The following CAAP1 variants were observed in gnomAD, a reference collection of about 807,000 sequenced individuals.
CAAP1 encodes the protein caspase activity and apoptosis inhibitor 1, also known as conserved anti-apoptotic protein.
CAAP1 carries 20 observed loss-of-function variants against 34.0 expected under a neutral mutation model. The observed-to-expected ratio is 0.59, with a 90% CI of 0.41 to 0.86. The LOEUF (loss-of-function observed/expected upper bound fraction) is 0.86. Among genes scored for constraint, CAAP1 ranks in the 40% least tolerant of loss-of-function variants. CAAP1 has a pLI of 0.00. For synonymous variants in CAAP1, 213 were observed against 166.7 expected, an observed-to-expected ratio of 1.28 and a Z score of -2.14; for missense variants, 538 against 450.5, an observed-to-expected ratio of 1.19 and a Z score of -1.76.
At chr9:26,863,963 T>G (rs1403615094) in intron 4 of CAAP1, among the ~76,000 whole-genome samples, 1 of 152,048 alleles carries the variant, frequency 6.6e-6, no homozygotes, top group African/African-American at 2.4e-5. Context: ...GGCTAATTTT[T>G]TTAAGTAAAG....
In CAAP1 at chr9:26,864,856, C is replaced by T. The variant is rs144750435; in HGVS notation, c.666-3717G>A. ...TCTACCATTTTAGGTCACAATATTG[C>T]CAGTGATTAGTAATACTTTCTGTAA... On this transcript the variant is annotated intron_variant, in intron 4 of 5. Coordinates refer to ENST00000333916, the MANE Select transcript of CAAP1 (RefSeq NM_024828.4). Among the ~76,000 whole-genome samples, 22 of 152,252 alleles carry T rather than the reference C, an allele frequency of 1.4e-4. No homozygotes were observed. In the East Asian group the frequency reaches 2.9e-3, roughly 20 times the overall value.
intron 5 of CAAP1, among the ~76,000 whole-genome samples, chr9:26,843,301 T>C (rs1174677301): frequency 6.6e-6 from 1 of 152,208 alleles, no homozygotes; most frequent in East Asian, 1.9e-4. Context: ...AAAACTTCTA[T>C]AACTGATGCT....
intron 1 of CAAP1, among the ~76,000 whole-genome samples, chr9:26,888,590 A>C (rs771035968): frequency 3.3e-5 from 5 of 152,254 alleles, no homozygotes; most frequent in Non-Finnish European, 7.3e-5. Flanking sequence ...AAGTAAAAGA[A>C]TCAGCACTTG....
At chr9:26,858,351 G>C (rs1435941631) in intron 5 of CAAP1, among the ~76,000 whole-genome samples, 4 of 152,032 alleles carry the variant, frequency 2.6e-5, no homozygotes, top group African/African-American at 9.7e-5. Context: ...CAGCTTGTTT[G>C]GTAACTTCAA....
intron 4 of CAAP1, among the ~76,000 whole-genome samples, chr9:26,881,778 C>T (rs1823598406): frequency 6.6e-6 from 1 of 152,126 alleles, no homozygotes; most frequent in Middle Eastern, 3.2e-3. Flanking sequence ...GAGGTTAGAA[C>T]AATTTGGAGG....
intron 5 of CAAP1, among the ~76,000 whole-genome samples, chr9:26,854,940 T>A (rs1478865338): frequency 1.3e-5 from 2 of 152,172 alleles, no homozygotes; most frequent in Non-Finnish European, 2.9e-5. Context: ...TCATTGTCAG[T>A]GGGAATGCAA....
chr9:26,847,445 A>G (rs1563877540), intron 5 of CAAP1, among the ~76,000 whole-genome samples: 1 of 151,152 alleles, frequency 6.6e-6, no homozygotes, highest in Non-Finnish European at 1.5e-5. Flanking sequence ...CGATCTCCTG[A>G]CCTCGTGATC....
chr9:26,863,863 C>T lies in CAAP1; in HGVS notation c.666-2724G>A, dbSNP rs1277763877. ...GGAGGCTGGAGTGCAGTGATCACAG[C>T]TCATTGTAGCCTCGACTTCCTGTGC... On this transcript the variant is annotated intron_variant, in intron 4 of 5. Coordinates refer to ENST00000333916, the MANE Select transcript of CAAP1 (RefSeq NM_024828.4). 4.0e-5 allele frequency among the ~76,000 whole-genome samples: 6 copies of T among 151,624 alleles called. No homozygotes were observed. The East Asian group carries it at 1.2e-3, about 29-fold the overall frequency.
chr9:26,892,262 G>A lies in CAAP1; in HGVS notation c.303+151C>T, dbSNP rs1420680350. The stretch of plus-strand genomic sequence containing the variant: ...CGGATGGGAGTGTGGGGCTCACCAG[G>A]ACTTAGGTAGGAACATGAACCTCAA... On this transcript the variant is annotated intron_variant, in intron 1 of 5. Transcript: ENST00000333916. 3.3e-6 allele frequency: 5 copies of A among 1,523,470 alleles called. No homozygotes were observed. In the Admixed American group the frequency reaches 8.0e-5, roughly 25 times the overall value. 94.4% of individuals were successfully genotyped at this position (1,523,470 alleles called of 1,614,324 possible). A position where few individuals can be genotyped will look rare whatever the true frequency, so the allele number is the denominator to read the frequency against.
At chr9:26,876,569 G>T (rs560986158) in intron 4 of CAAP1, among the ~76,000 whole-genome samples, 1 of 133,974 alleles carries the variant, frequency 7.5e-6, no homozygotes, top group African/African-American at 2.7e-5. Flanking sequence ...ATCATTTATT[G>T]TACCTTTTCT....
intron 4 of CAAP1, among the ~76,000 whole-genome samples, chr9:26,861,978 A>C (rs1232574494): frequency 6.6e-6 from 1 of 152,042 alleles, no homozygotes; most frequent in Non-Finnish European, 1.5e-5. Context: ...TATTCTTTCC[A>C]GTCAGCACCT....
intron 1 of CAAP1, 140 bp downstream of exon 1, chr9:26,892,273 G>A (rs1472805403): frequency 1.3e-6 from 2 of 1,530,158 alleles, no homozygotes; most frequent in East Asian, 2.4e-5. Context: ...ACTTAGGTAG[G>A]AACATGAACC....
In CAAP1 at chr9:26,842,782, G is replaced by A. The variant is rs144504777; in HGVS notation, c.740-135C>T. ...CCCAAACACATTCCATAATCCCCAT[G>A]CCACCCTCTTTTCCCCTGACTCCTC... On this transcript the variant is annotated intron_variant, in intron 5 of 5. Coordinates refer to ENST00000333916, the MANE Select transcript of CAAP1 (RefSeq NM_024828.4). The A allele has an allele frequency of 1.1e-3, 721 of 637,398 alleles. 2 individuals carry two copies. Among genetic ancestry groups the A allele is most frequent in the African/African-American group, 0.011 (582 of 54,452 alleles). 39.5% of individuals were successfully genotyped at this position (637,398 alleles called of 1,614,324 possible).
chr9:26,867,879 A>G (rs1179801407), intron 4 of CAAP1, among the ~76,000 whole-genome samples: 1 of 152,192 alleles, frequency 6.6e-6, no homozygotes, highest in East Asian at 1.9e-4. Context: ...ATTTTGAGAA[A>G]GAATCCATAG....
At chr9:26,854,307 G>A (rs895063078) in intron 5 of CAAP1, among the ~76,000 whole-genome samples, 16 of 152,104 alleles carry the variant, frequency 1.1e-4, no homozygotes, top group Non-Finnish European at 1.3e-4. Context: ...GGAAGCTGAG[G>A]AACAGAGAGT....
chr9:26,852,135 C>G (rs1822766986), intron 5 of CAAP1, among the ~76,000 whole-genome samples: 1 of 39,056 alleles, frequency 2.6e-5, no homozygotes, highest in Non-Finnish European at 4.6e-5. Flanking sequence ...TCATGGCTCA[C>G]TGCAACCTCT....
chr9:26,881,142 A>G (rs1017556322), intron 4 of CAAP1, among the ~76,000 whole-genome samples: 2 of 151,662 alleles, frequency 1.3e-5, no homozygotes, highest in South Asian at 2.1e-4. Context: ...GACCCCATCT[A>G]ATTTAATTTT....
chr9:26,871,570 C>CT (rs965151062), intron 4 of CAAP1, among the ~76,000 whole-genome samples: 3 of 138,324 alleles, frequency 2.2e-5, no homozygotes, highest in African/African-American at 5.5e-5. Context: ...CGGCAAAACT[C>CT]TGTCTTTAAA....
At chr9:26,866,926 A>G (rs1329927923) in intron 4 of CAAP1, among the ~76,000 whole-genome samples, 1 of 152,150 alleles carries the variant, frequency 6.6e-6, no homozygotes, top group Non-Finnish European at 1.5e-5. Context: ...TGGGCCACAG[A>G]TCGGTACCAA....
Sources: allele counts gnomAD v4.1 joint callset (sites outside exome capture counted in the v4.1 genomes callset), GRCh38; gene constraint gnomAD v4.1.1; transcripts MANE v1.5; gene names NCBI Gene and HGNC (gene_info 2026-07-23, HGNC 2026-07-21).